Variants in C16orf89 observed in about 807,000 individuals in gnomAD.
The protein encoded by C16orf89 is UPF0764 protein C16orf89.
Under a neutral mutation model 41.5 loss-of-function variants are expected in C16orf89, and 57 were observed. The ratio of observed to expected loss-of-function variants is 1.38; its 90% CI spans 1.11 to 1.71. C16orf89 has a LOEUF of 1.71. C16orf89 is among the 40% of genes most tolerant of loss of function. The probability of loss-of-function intolerance (pLI) is 0.00; values close to 1 mark genes in which losing one functional copy is unlikely to be tolerated. For missense variants in C16orf89, 575 were observed against 445.9 expected (o/e 1.29, Z -2.61); for synonymous variants, 223 against 190.6 (o/e 1.17, Z -1.40).
chr16:5,055,243 C>T lies in C16orf89; in HGVS notation c.868+3G>A. The T allele has an allele frequency of 6.2e-7, 1 of 1,603,980 alleles. No homozygotes were observed. The highest frequency in any genetic ancestry group is 8.5e-7 in the Non-Finnish European group (1 of 1,172,648). On this transcript the variant is annotated splice_donor_region_variant and intron_variant, in intron 6 of 7. Coordinates refer to ENST00000472572, the MANE Select transcript of C16orf89 (RefSeq NM_001098514.3). ...TCTTAGCCAGGGCAGCAGCGCAGCTCACCAGGCTCCCCGAAGCATCCTTCC... is the reference window on the plus strand; with the variant it reads ...TCTTAGCCAGGGCAGCAGCGCAGCTTACCAGGCTCCCCGAAGCATCCTTCC...
Position 5,055,253 on chromosome 16 carries a change from C to A in C16orf89, c.861G>T (p.Gly287=), listed in dbSNP as rs959216874. ...SWQKQQEGCF[G]EPDAEDEELS... ...GGCAGCAGCGCAGCTCACCAGGCTC[C>A]CCGAAGCATCCTTCCTGCTGTTTCT... The change falls in exon 6 of 8, where the codon GGG becomes GGT. Residue 287 remains glycine (G), a synonymous_variant. Transcript: ENST00000472572. 10 of 1,609,966 alleles carry A rather than the reference C, an allele frequency of 6.2e-6. No individual in the cohort carries two copies. Among genetic ancestry groups the A allele is most frequent in the Non-Finnish European group, 7.6e-6 (9 of 1,177,384 alleles).
At chr16:5,060,484 G>C (rs772817339) in intron 2 of C16orf89, 48 bp from the exon 3 acceptor site, 3 of 1,560,712 alleles carry the variant, frequency 1.9e-6, no homozygotes, top group Non-Finnish European at 2.6e-6. Context: ...GGTGACCCAG[G>C]AGCAGTGGGC....
intron 6 of C16orf89, among the ~76,000 whole-genome samples, chr16:5,053,928 A>C (rs947010326): frequency 6.6e-6 from 1 of 152,220 alleles, no homozygotes; most frequent in African/African-American, 2.4e-5. Context: ...TGCTCATTAC[A>C]TATTGTATAC....
At position 5,044,388 on chromosome 16, in the gene C16orf89, T is replaced by C. The variant is rs1457199584; in HGVS notation, c.1046A>G (p.Glu349Gly). The C allele has an allele frequency of 6.2e-7, 1 of 1,612,164 alleles. No homozygotes were observed. Among genetic ancestry groups the C allele is most frequent in the Admixed American group, 1.7e-5 (1 of 59,868 alleles). ...ILAEYPPANR[E>G]PHPSTPPPPS... is the part of the protein sequence containing the mutation. ...TGGTGGCGGTGTGGATGGGTGTGGCTCTCTGTTTGCTGGGGGGTATTCTGC... is the reference window on the plus strand; with the variant it reads ...TGGTGGCGGTGTGGATGGGTGTGGCCCTCTGTTTGCTGGGGGGTATTCTGC... Residue 349 changes from glutamate (E) to glycine (G), a missense_variant, in exon 8 of 8, where the codon GAG (glutamate) becomes GGG (glycine). Glu to Gly is a moderately conservative substitution (Grantham distance 98). Transcript: ENST00000472572.
At chr16:5,045,589 C>T (rs1443899401) in intron 7 of C16orf89, among the ~76,000 whole-genome samples, 1 of 152,156 alleles carries the variant, frequency 6.6e-6, no homozygotes, top group Non-Finnish European at 1.5e-5. Context: ...GAATGACTAA[C>T]CCTGGCAGCT....
intron 2 of C16orf89, among the ~76,000 whole-genome samples, chr16:5,060,834 C>T (rs1192466146): frequency 2.0e-5 from 3 of 151,436 alleles, no homozygotes; most frequent in African/African-American, 7.3e-5. Flanking sequence ...ACTCTGTCTC[C>T]ACAAAAATAA....
chr16:5,050,287 G>T (rs1956373406), intron 6 of C16orf89, among the ~76,000 whole-genome samples: 1 of 152,066 alleles, frequency 6.6e-6, no homozygotes, highest in Non-Finnish European at 1.5e-5. Context: ...AGAATCACTT[G>T]AACCCGGGAG....
At chr16:5,047,581 C>T (rs910547474) in intron 7 of C16orf89, among the ~76,000 whole-genome samples, 6 of 151,916 alleles carry the variant, frequency 3.9e-5, no homozygotes, top group African/African-American at 1.5e-4. Flanking sequence ...AAATCTCATG[C>T]CTCAGACTCC....
At chr16:5,051,362 A>T (rs150527382) in intron 6 of C16orf89, among the ~76,000 whole-genome samples, 1 of 152,170 alleles carries the variant, frequency 6.6e-6, no homozygotes, top group East Asian at 1.9e-4. Flanking sequence ...AAGTTGCAGA[A>T]TACAGAATAA....
chr16:5,046,766 A>G (rs1956305386), intron 7 of C16orf89, among the ~76,000 whole-genome samples: 1 of 151,656 alleles, frequency 6.6e-6, no homozygotes, highest in Non-Finnish European at 1.5e-5. Flanking sequence ...ACTTTCTTCT[A>G]CGTTATTTCT....
chr16:5,055,701 T>C, intron 5 of C16orf89: 1 of 1,535,836 alleles, frequency 6.5e-7, no homozygotes. Flanking sequence ...TCCATCTGTG[T>C]AGAGCTCCGT....
chr16:5,049,290 G>C (rs969238836), intron 6 of C16orf89, among the ~76,000 whole-genome samples: 5 of 152,202 alleles, frequency 3.3e-5, no homozygotes, highest in Admixed American at 1.3e-4. Context: ...GCATTGGACA[G>C]ATCATCTAGA....
rs555662634 is a variant in C16orf89 at position 5,060,546 on chromosome 16, C to G, written c.359-110G>C. 7.2e-5 allele frequency: 84 copies of G among 1,173,206 alleles called. No individual in the cohort carries two copies. The African/African-American group carries it at 1.0e-3, about 14-fold the overall frequency. 72.7% of individuals were successfully genotyped at this position (1,173,206 alleles called of 1,614,324 possible). A position where few individuals can be genotyped will look rare whatever the true frequency, so the allele number is the denominator to read the frequency against. ...CAGCCCTGCCCACTGGCAGGTGCAG[C>G]TCAGGGCTCTAAGCCCTGTCCCCTG... On this transcript the variant is annotated intron_variant, in intron 2 of 7. Transcript: ENST00000472572.
Position 5,062,517 on chromosome 16 carries a change from C to T in C16orf89, c.266G>A (p.Ser89Asn). Residue 89 changes from serine to asparagine, a missense_variant, in exon 2 of 8, where the codon AGC (serine) becomes AAC (asparagine). Ser to Asn is a conservative substitution (Grantham distance 46, BLOSUM62 1). Coordinates refer to ENST00000472572, the MANE Select transcript of C16orf89 (RefSeq NM_001098514.3). ...WAQEPLLQPL[S>N]LRVGMLGEKL... ...CTCCCCCAGCATCCCCACGCGCAGG[C>T]TCAGCGGCTGCAGCAGGGGCTCCTG... 6.2e-7 allele frequency: 1 copy of T among 1,614,066 alleles called. No homozygotes were observed. The highest frequency in any genetic ancestry group is 8.5e-7 in the Non-Finnish European group (1 of 1,179,930).
At chr16:5,064,725 C>T (rs1249286642) in intron 1 of C16orf89, among the ~76,000 whole-genome samples, 1 of 152,156 alleles carries the variant, frequency 6.6e-6, no homozygotes, top group Non-Finnish European at 1.5e-5. Flanking sequence ...GGAGAAGGGG[C>T]AGTGGATGTG....
rs561732715 is a variant in C16orf89, at chr16:5,049,322, C to G, written c.869-1358G>C. Among the ~76,000 whole-genome samples the G allele has an allele frequency of 2.2e-4, 33 of 152,348 alleles. No homozygotes were observed. In the South Asian group the frequency reaches 2.5e-3, roughly 11 times the overall value. On this transcript the variant is annotated intron_variant, in intron 6 of 7. Transcript: ENST00000472572. Reference sequence around the variant, plus strand: ...TAGACAGAAACTCAACAAAGAAACACTGAATTTAAACTGCACTTAAGACCA... The same window carrying G: ...TAGACAGAAACTCAACAAAGAAACAGTGAATTTAAACTGCACTTAAGACCA...
At chr16:5,047,543 C>T (rs951388537) in intron 7 of C16orf89, among the ~76,000 whole-genome samples, 2 of 151,604 alleles carry the variant, frequency 1.3e-5, no homozygotes, top group Admixed American at 6.6e-5. Flanking sequence ...TCTCAGCTCA[C>T]TGAAGCCTCC....
At position 5,044,256 on chromosome 16, in the gene C16orf89, C is replaced by T; in HGVS notation, c.*92G>A. On this transcript the variant is annotated 3_prime_UTR_variant, in exon 8 of 8. Coordinates refer to ENST00000472572, the MANE Select transcript of C16orf89 (RefSeq NM_001098514.3). ...TTGCTTATCCTCCAGATGCCTTCTT[C>T]CCAGGATGTGATCCGTGCCCTCCAG... is the stretch of plus-strand genomic sequence containing the variant. The T allele has an allele frequency of 2.7e-6, 4 of 1,468,296 alleles. No homozygotes were observed. Among genetic ancestry groups the T allele is most frequent in the Non-Finnish European group, 3.6e-6 (4 of 1,113,654 alleles). 91.0% of individuals were successfully genotyped at this position (1,468,296 alleles called of 1,614,324 possible).
intron 7 of C16orf89, among the ~76,000 whole-genome samples, chr16:5,045,482 C>T (rs1956278688): frequency 6.6e-6 from 1 of 152,142 alleles, no homozygotes; most frequent in Non-Finnish European, 1.5e-5. Context: ...TGGAAGGGAG[C>T]CAGGAATTCT....
Sources: gnomAD v4.1 joint callset for allele counts (sites outside exome capture counted in the v4.1 genomes callset) on GRCh38, gnomAD v4.1.1 for gene constraint, MANE v1.5 for transcripts, NCBI Gene and HGNC (gene_info 2026-07-23, HGNC 2026-07-21) for gene names.